CD1A: variants seen among roughly 807,000 people sequenced by gnomAD.
CD1A encodes the protein T-cell surface glycoprotein CD1a.
A neutral mutation model predicts 38.3 loss-of-function variants in CD1A; 50 were observed. The ratio of observed to expected loss-of-function variants is 1.30; its 90% CI spans 1.04 to 1.65. The LOEUF is 1.65. CD1A is among the 40% of genes most tolerant of loss of function. The pLI, the probability that CD1A is intolerant of heterozygous loss-of-function variation, is 0.00. For missense variants in CD1A, 459 were observed against 406.1 expected, an observed-to-expected ratio of 1.13 and a Z score of -1.12; for synonymous variants, 160 against 150.8, an observed-to-expected ratio of 1.06 and a Z score of -0.45.
chr1:158,255,058 C>G, intron 1 of CD1A, 26 bp from the exon 2 acceptor site: 12 of 1,609,636 alleles, frequency 7.5e-6, no homozygotes, highest in Non-Finnish European at 1.0e-5. Flanking sequence ...GTCTTTCTCC[C>G]CATTCTATCT....
chr1:158,254,383 T>C, upstream of CD1A: 1 of 1,262,950 alleles, frequency 7.9e-7, no homozygotes, highest in Non-Finnish European at 1.0e-6. Context: ...CAATGCCACA[T>C]CAGACTTGTT....
upstream of CD1A, chr1:158,254,407 A>C: frequency 1.5e-6 from 2 of 1,311,760 alleles, no homozygotes; most frequent in Non-Finnish European, 9.8e-7. Flanking sequence ...TAGCAGTTGA[A>C]TTAGGGGAAG....
chr1:158,255,149 C>T lies in CD1A; in HGVS notation c.124C>T (p.Gln42Ter), dbSNP rs769695209. ...ATCCTTTTACAACCATTCCTGGAAACAAAATCTGGTCTCAGGTTGGCTGAG... is the reference window on the plus strand; with the variant it reads ...ATCCTTTTACAACCATTCCTGGAAATAAAATCTGGTCTCAGGTTGGCTGAG... ...IASFYNHSWK[Q>*]NLVSGWLSDL... Residue 42 changes from glutamine (Q) to a stop codon, truncating the protein, a stop_gained, in exon 2 of 6, where the codon CAA becomes TAA. Transcript: ENST00000289429. LOFTEE classifies it high-confidence loss of function. The T allele has an allele frequency of 9.3e-6, 15 of 1,614,016 alleles. No homozygotes were observed. The highest frequency in any genetic ancestry group is 5.0e-5 in the Admixed American group (3 of 60,006).
upstream of CD1A, among the ~76,000 whole-genome samples, chr1:158,250,732 G>A (rs1650066177): frequency 6.6e-6 from 1 of 152,174 alleles, no homozygotes; most frequent in African/African-American, 2.4e-5. Flanking sequence ...ATTTGTGTGT[G>A]TATGCTAGCT....
chr1:158,249,422 G>A, the CD1A span, among the ~76,000 whole-genome samples: 1 of 152,178 alleles, frequency 6.6e-6, no homozygotes, highest in South Asian at 2.1e-4. Context: ...CATGGTGGAA[G>A]GGGTCAGGGG....
chr1:158,254,357 T>G, upstream of CD1A: 2 of 1,207,978 alleles, frequency 1.7e-6, no homozygotes, highest in Non-Finnish European at 2.1e-6. Flanking sequence ...ATGTCCTTAG[T>G]GGTTAAGTGG....
Position 158,256,293 on chromosome 1 carries a change from C to T in CD1A, c.604+11C>T. ...ATCTCCAGCGGCAAGGTCAGTCCTGCACTCTCCCTCCAAGAAGTTTTGATT... is the reference window on the plus strand; with the variant it reads ...ATCTCCAGCGGCAAGGTCAGTCCTGTACTCTCCCTCCAAGAAGTTTTGATT... On this transcript the variant is annotated intron_variant, in intron 3 of 5. Coordinates refer to ENST00000289429, the MANE Select transcript of CD1A (RefSeq NM_001763.3). 1 of 1,604,842 alleles carries T rather than the reference C, an allele frequency of 6.2e-7. No individual in the cohort carries two copies. The highest frequency in any genetic ancestry group is 2.2e-5 in the East Asian group (1 of 44,738).
At chr1:158,253,190 G>A (rs189488354), upstream of CD1A, among the ~76,000 whole-genome samples, 2 of 152,150 alleles carry the variant, frequency 1.3e-5, no homozygotes, top group African/African-American at 2.4e-5. Flanking sequence ...TTATATGGAT[G>A]ATATCTACAA....
rs1650222009 is a variant in CD1A at position 158,255,335 on chromosome 1, G to A, written c.310G>A (p.Glu104Lys). The A allele has an allele frequency of 1.9e-6, 3 of 1,613,754 alleles. No individual in the cohort carries two copies. Among genetic ancestry groups the A allele is most frequent in the Non-Finnish European group, 2.5e-6 (3 of 1,179,798 alleles). ...TGAGGGAATTCGTAGATACGCCCATGAATTGCAGTTTGAATGTGAGTTCAG... is the reference window on the plus strand; with the variant it reads ...TGAGGGAATTCGTAGATACGCCCATAAATTGCAGTTTGAATGTGAGTTCAG... ...SFEGIRRYAH[E>K]LQFEYPFEIQ... Residue 104 changes from glutamate (E) to lysine (K), a missense_variant, in exon 2 of 6, where the codon GAA (glutamate) becomes AAA (lysine). Physicochemically the swap from Glu to Lys is moderately conservative, Grantham distance 56. Coordinates refer to ENST00000289429, the MANE Select transcript of CD1A (RefSeq NM_001763.3).
intron 1 of CD1A, 125 bp from the exon 2 acceptor site, chr1:158,254,959 T>C: frequency 2.9e-6 from 3 of 1,029,180 alleles, no homozygotes; most frequent in Non-Finnish European, 2.9e-6. Context: ...GGCAAGTGAA[T>C]GTCTGCTAAG....
Position 158,258,182 on chromosome 1 carries a change from T to C in CD1A, c.*492T>C, listed in dbSNP as rs1425351358. On this transcript the variant is annotated 3_prime_UTR_variant, in exon 6 of 6. Transcript: ENST00000289429. The stretch of plus-strand genomic sequence containing the variant: ...TTCAGCTCCTTCAATGCAAAGTACA[T>C]GTATTTTTAATATATGCATCCCTGG... 1.3e-5 allele frequency: 2 copies of C among 156,424 alleles called. No individual in the cohort carries two copies. Among genetic ancestry groups the C allele is most frequent in the Non-Finnish European group, 2.8e-5 (2 of 70,488 alleles). 9.7% of individuals were successfully genotyped at this position (156,424 alleles called of 1,614,324 possible). A position where few individuals can be genotyped will look rare whatever the true frequency, so the allele number is the denominator to read the frequency against.
intron 3 of CD1A, 67 bp downstream of exon 3, chr1:158,256,349 C>T: frequency 4.1e-6 from 6 of 1,473,690 alleles, no homozygotes; most frequent in Non-Finnish European, 5.5e-6. Context: ...CACCTCCTTC[C>T]AATTTAGAAT....
the CD1A span, chr1:158,248,425 C>G: frequency 1.0e-6 from 1 of 985,116 alleles, no homozygotes; most frequent in Non-Finnish European, 1.2e-6. Flanking sequence ...AGTGCTGCTA[C>G]AGTGAACAGG....
At chr1:158,255,621 C>T (rs1650234045) in intron 2 of CD1A, among the ~76,000 whole-genome samples, 1 of 152,134 alleles carries the variant, frequency 6.6e-6, no homozygotes, top group Admixed American at 6.6e-5. Context: ...ACCCTTCTGC[C>T]TGCCCTACAA....
rs1391901723 is a variant in CD1A, at chr1:158,255,369, A to G, written c.325+19A>G. 6.2e-7 allele frequency: 1 copy of G among 1,611,364 alleles called. No individual in the cohort carries two copies. The highest frequency in any genetic ancestry group is 8.5e-7 in the Non-Finnish European group (1 of 1,177,886). ...TTTGAATGTGAGTTCAGTTTTCTCC[A>G]TGGAGAGTGGTGAGGTGGGAGAGAG... On this transcript the variant is annotated intron_variant, in intron 2 of 5. Coordinates refer to ENST00000289429, the MANE Select transcript of CD1A (RefSeq NM_001763.3).
At chr1:158,248,343 G>A in the CD1A span, 1 of 982,384 alleles carries the variant, frequency 1.0e-6, no homozygotes, top group Admixed American at 6.2e-5. Flanking sequence ...TTCATATCTG[G>A]GTTCTGAGGA....
chr1:158,251,992 G>A (rs374947016), upstream of CD1A, among the ~76,000 whole-genome samples: 34 of 152,118 alleles, frequency 2.2e-4, no homozygotes, highest in South Asian at 6.4e-3. Context: ...CACCACAACT[G>A]GCTAATTTTT....
intron 3 of CD1A, 111 bp from the exon 4 acceptor site, chr1:158,256,675 C>CA (rs34315183): frequency 0.065 from 70,153 of 1,078,960 alleles, 8 homozygotes; most frequent in Non-Finnish European, 0.075. Flanking sequence ...GACCCTGTCT[C>CA]AAAAAAAAAA....
upstream of CD1A, among the ~76,000 whole-genome samples, chr1:158,253,873 T>A (rs903366506): frequency 6.6e-6 from 1 of 152,188 alleles, no homozygotes; most frequent in East Asian, 1.9e-4. Flanking sequence ...AAAAAGCTCC[T>A]TCAGTAAAGT....
Sources: allele counts gnomAD v4.1 joint callset (sites outside exome capture counted in the v4.1 genomes callset), GRCh38; gene constraint gnomAD v4.1.1; transcripts MANE v1.5; gene names NCBI Gene and HGNC (gene_info 2026-07-23, HGNC 2026-07-21).